Variants in PARP8 observed in about 807,000 individuals in gnomAD.
The protein encoded by PARP8 is poly(ADP-ribose) polymerase family member 8, also known as protein mono-ADP-ribosyltransferase PARP8.
PARP8 carries 51 observed loss-of-function variants against 124.1 expected under a neutral mutation model. The observed-to-expected ratio is 0.41, with a 90% CI of 0.33 to 0.52. The LOEUF (loss-of-function observed/expected upper bound fraction) is 0.52, where lower values mean the gene tolerates loss of function less well. Among genes scored for constraint, PARP8 ranks in the 20% least tolerant of loss-of-function variants. The pLI is 0.21. For synonymous variants in PARP8, 391 were observed against 361.5 expected, an observed-to-expected ratio of 1.08 and a Z score of -0.93; for missense variants, 860 against 1,018.9, an observed-to-expected ratio of 0.84 and a Z score of 2.12.
intron 23 of PARP8, chr5:50,833,406 A>G (rs1441611014): frequency 2.2e-6 from 1 of 454,314 alleles, no homozygotes; most frequent in Non-Finnish European, 4.4e-6. Flanking sequence ...CATCAATCCC[A>G]TGTTGTTTCA....
intron 2 of PARP8, among the ~76,000 whole-genome samples, chr5:50,740,326 A>G (rs577189420): frequency 1.3e-5 from 2 of 152,280 alleles, no homozygotes; most frequent in East Asian, 3.9e-4. Flanking sequence ...GAAGGATGAG[A>G]CTGAGTTAAC....
rs73101061 is a variant in PARP8 at position 50,751,791 on chromosome 5, C to A, written c.184+1603C>A. ...AATTCAGTTCTGATTCCCGTTGCCT[C>A]TGGGGAAGTAGTGTTAGTATTTTTA... On this transcript the variant is annotated intron_variant, in intron 3 of 25. Coordinates refer to ENST00000281631, the MANE Select transcript of PARP8 (RefSeq NM_024615.4). Among the ~76,000 whole-genome samples, 147 of 152,172 alleles carry A rather than the reference C, an allele frequency of 9.7e-4. 1 individual carries two copies. Among genetic ancestry groups the A allele is most frequent in the African/African-American group, 3.4e-3 (142 of 41,554 alleles).
chr5:50,833,069 A>G (rs374147748), intron 23 of PARP8, among the ~76,000 whole-genome samples: 6 of 152,326 alleles, frequency 3.9e-5, no homozygotes, highest in African/African-American at 1.2e-4. Flanking sequence ...ATAATACCAG[A>G]GATACTCCTA....
rs1489105844 is a variant in PARP8, at chr5:50,712,706, G to C, written c.147-37445G>C. ...CAAACATTATAGTATAATGTCATAA[G>C]TGACAAGATAAGTGCAGGGAGCCAC... On this transcript the variant is annotated intron_variant, in intron 2 of 25. Transcript: ENST00000281631. 1.3e-5 allele frequency among the ~76,000 whole-genome samples: 2 copies of C among 152,060 alleles called. 1 individual carries two copies. The highest frequency in any genetic ancestry group is 2.9e-5 in the Non-Finnish European group (2 of 67,992).
intron 2 of PARP8, among the ~76,000 whole-genome samples, chr5:50,682,760 G>A (rs748605066): frequency 7.2e-5 from 11 of 152,072 alleles, no homozygotes; most frequent in Non-Finnish European, 1.6e-4. Flanking sequence ...TGAAGATAGG[G>A]TACATTTATA....
At chr5:50,735,980 A>T (rs1757439565) in intron 2 of PARP8, among the ~76,000 whole-genome samples, 1 of 135,968 alleles carries the variant, frequency 7.4e-6, no homozygotes, top group Non-Finnish European at 1.6e-5. Flanking sequence ...TTATTAGTGA[A>T]TGTATTCTCA....
intron 23 of PARP8, among the ~76,000 whole-genome samples, chr5:50,833,778 A>G (rs562703139): frequency 5.1e-4 from 78 of 152,300 alleles, no homozygotes; most frequent in African/African-American, 1.9e-3. Context: ...ACTTATCTCA[A>G]GAATAATTTA....
chr5:50,770,930 C>T (rs1428397586), intron 7 of PARP8, among the ~76,000 whole-genome samples: 1 of 151,956 alleles, frequency 6.6e-6, no homozygotes, highest in African/African-American at 2.4e-5. Context: ...TGCACATAAT[C>T]TTATCCTTTA....
At chr5:50,688,443 G>T (rs1232648447) in intron 2 of PARP8, among the ~76,000 whole-genome samples, 1 of 152,206 alleles carries the variant, frequency 6.6e-6, no homozygotes, top group Non-Finnish European at 1.5e-5. Flanking sequence ...AAGAGATAGA[G>T]ATTCACTGGG....
chr5:50,834,370 A>G (rs746497203), intron 24 of PARP8, among the ~76,000 whole-genome samples: 1 of 152,170 alleles, frequency 6.6e-6, no homozygotes, highest in Non-Finnish European at 1.5e-5. Context: ...GTATTTGAAT[A>G]TATGATACTA....
chr5:50,825,045 C>A (rs1239114469), intron 18 of PARP8, 70 bp downstream of exon 18: 98 of 1,292,466 alleles, frequency 7.6e-5, no homozygotes, highest in Middle Eastern at 3.7e-4. Flanking sequence ...AGGAAAAAAA[C>A]CAAACAAACA....
chr5:50,737,167 C>A (rs544674290), intron 2 of PARP8, among the ~76,000 whole-genome samples: 14 of 152,194 alleles, frequency 9.2e-5, no homozygotes, highest in African/African-American at 3.4e-4. Context: ...AGTCTGGGAA[C>A]CTATCAGCTA....
At chr5:50,701,080 C>T (rs975319812) in intron 2 of PARP8, among the ~76,000 whole-genome samples, 10 of 152,124 alleles carry the variant, frequency 6.6e-5, no homozygotes, top group Non-Finnish European at 1.3e-4. Context: ...CTCTTCTAAT[C>T]TTAAATATGG....
intron 2 of PARP8, chr5:50,744,849 T>C: frequency 1.5e-6 from 1 of 684,338 alleles, no homozygotes; most frequent in Non-Finnish European, 2.6e-6. Flanking sequence ...TCTTTCACTT[T>C]CACTTATGCT....
intron 14 of PARP8, among the ~76,000 whole-genome samples, chr5:50,810,444 A>C (rs1441711366): frequency 6.6e-6 from 1 of 152,068 alleles, no homozygotes; most frequent in Non-Finnish European, 1.5e-5. Context: ...TTTTGAATTG[A>C]TGCTAGCACA....
intron 2 of PARP8, among the ~76,000 whole-genome samples, chr5:50,742,408 C>G (rs1758141084): frequency 6.6e-6 from 1 of 152,048 alleles, no homozygotes; most frequent in Admixed American, 6.6e-5. Flanking sequence ...TTCTGTGCAG[C>G]AAGTAGATGG....
chr5:50,813,278 G>T (rs957040725), intron 14 of PARP8, among the ~76,000 whole-genome samples: 1 of 152,134 alleles, frequency 6.6e-6, no homozygotes, highest in East Asian at 1.9e-4. Flanking sequence ...TTGAGCAGTG[G>T]TTTGTAGTTC....
intron 2 of PARP8, among the ~76,000 whole-genome samples, chr5:50,694,328 C>A (rs1447219809): frequency 6.6e-6 from 1 of 152,134 alleles, no homozygotes; most frequent in Non-Finnish European, 1.5e-5. Context: ...TCCATAGTCA[C>A]AAAGTTGAAT....
Position 50,788,436 on chromosome 5 carries a change from AT to A in PARP8, c.671-86del, listed in dbSNP as rs1276372259. ...TAAATGTGTATATGTATATGCACAT[AT>A]ATAATGCGATTTCAACCTTTTTCTG... is the stretch of plus-strand genomic sequence containing the variant. On this transcript the variant is annotated intron_variant, in intron 9 of 25. Coordinates refer to ENST00000281631, the MANE Select transcript of PARP8 (RefSeq NM_024615.4). The A allele has an allele frequency of 1.3e-5, 15 of 1,168,550 alleles. No individual in the cohort carries two copies. The East Asian group carries it at 2.4e-4, about 19-fold the overall frequency. 72.4% of individuals were successfully genotyped at this position (1,168,550 alleles called of 1,614,324 possible).
Sources: allele counts gnomAD v4.1 joint callset (sites outside exome capture counted in the v4.1 genomes callset), GRCh38; gene constraint gnomAD v4.1.1; transcripts MANE v1.5; gene names NCBI Gene and HGNC (gene_info 2026-07-23, HGNC 2026-07-21).